Variants in LRRC37A2 observed in about 807,000 individuals in gnomAD.
LRRC37A2 encodes leucine rich repeat containing 37 member A2.
A neutral mutation model predicts 68.8 loss-of-function variants in LRRC37A2; 9 were observed. That is an observed-to-expected ratio of 0.13 (90% CI 0.08 to 0.23). The LOEUF (loss-of-function observed/expected upper bound fraction) is 0.23, where lower values mean the gene tolerates loss of function less well. LRRC37A2 is among the 10% of genes least tolerant of loss of function. LRRC37A2 has a pLI of 1.00. For synonymous variants in LRRC37A2, 63 were observed against 367.6 expected (o/e 0.17, Z 9.48); for missense variants, 168 against 950.4 (o/e 0.18, Z 10.82).
chr17:46,872,624 G>T, the LRRC37A2 span: 1 of 1,613,414 alleles, frequency 6.2e-7, no homozygotes, highest in Non-Finnish European at 8.5e-7. Context: ...AAGCTGTCCC[G>T]GCGGCAGAAG....
At chr17:46,755,366 G>A in the LRRC37A2 span, 1 of 1,612,642 alleles carries the variant, frequency 6.2e-7, no homozygotes, top group Non-Finnish European at 8.5e-7. Flanking sequence ...AGAGAAGAAG[G>A]AGCGTAAGTA....
At chr17:46,780,145 G>A in the LRRC37A2 span, among the ~76,000 whole-genome samples, 1 of 152,218 alleles carries the variant, frequency 6.6e-6, no homozygotes, top group South Asian at 2.1e-4. Flanking sequence ...CATATGGTGA[G>A]ACACCTAAAG....
At chr17:46,773,773 C>T in the LRRC37A2 span, 3 of 1,613,428 alleles carry the variant, frequency 1.9e-6, no homozygotes, top group Non-Finnish European at 2.5e-6. Flanking sequence ...CCCAGCTTCA[C>T]GCCCTCGGCC....
the LRRC37A2 span, among the ~76,000 whole-genome samples, chr17:46,889,095 T>C: frequency 6.6e-6 from 1 of 152,260 alleles, no homozygotes; most frequent in South Asian, 2.1e-4. Context: ...TTCTTCTGAC[T>C]CTGCAGAGCC....
chr17:46,784,614 G>A, the LRRC37A2 span, among the ~76,000 whole-genome samples: 1 of 152,078 alleles, frequency 6.6e-6, no homozygotes, highest in Non-Finnish European at 1.5e-5. Flanking sequence ...GGGCTCTCCC[G>A]AAACCTCAGC....
the LRRC37A2 span, among the ~76,000 whole-genome samples, chr17:46,791,349 G>A: frequency 1.3e-5 from 2 of 152,024 alleles, no homozygotes; most frequent in Non-Finnish European, 2.9e-5. Flanking sequence ...GATTACAGAC[G>A]AGGACCACCA....
At chr17:46,875,249 G>A in the LRRC37A2 span, 6 of 1,614,212 alleles carry the variant, frequency 3.7e-6, no homozygotes, top group Middle Eastern at 1.6e-4. Flanking sequence ...AGTGGGGCGT[G>A]TGCGGTGACA....
At chr17:46,743,225 C>G in the LRRC37A2 span, among the ~76,000 whole-genome samples, 3 of 152,158 alleles carry the variant, frequency 2.0e-5, no homozygotes, top group Admixed American at 6.5e-5. Flanking sequence ...GCTGCCAGTG[C>G]CCTGTGTTTG....
chr17:46,685,792 TG>T, the LRRC37A2 span, among the ~76,000 whole-genome samples: 3 of 149,404 alleles, frequency 2.0e-5, no homozygotes, highest in Non-Finnish European at 4.5e-5. Flanking sequence ...GTTATTGTAC[TG>T]ACTAGGTGGG....
At chr17:47,008,552 G>A in the LRRC37A2 span, among the ~76,000 whole-genome samples, 1 of 151,152 alleles carries the variant, frequency 6.6e-6, no homozygotes, top group Non-Finnish European at 1.5e-5. Context: ...TCCACCTCCC[G>A]GGTTCAAGCA....
At chr17:46,955,115 C>T in the LRRC37A2 span, among the ~76,000 whole-genome samples, 1 of 152,014 alleles carries the variant, frequency 6.6e-6, no homozygotes, top group Non-Finnish European at 1.5e-5. Context: ...GGAATGCTTC[C>T]AGTTTTTGTC....
the LRRC37A2 span, chr17:46,936,706 G>T: frequency 1.0e-6 from 1 of 984,952 alleles, no homozygotes; most frequent in African/African-American, 1.7e-5. Flanking sequence ...GCCTCATACA[G>T]TGATGAAATA....
chr17:46,845,798 T>G, the LRRC37A2 span, among the ~76,000 whole-genome samples: 1 of 146,924 alleles, frequency 6.8e-6, no homozygotes, highest in East Asian at 2.0e-4. Context: ...TTTTTTTTTT[T>G]TTTTTTTTTT....
the LRRC37A2 span, among the ~76,000 whole-genome samples, chr17:46,671,737 TTG>T: frequency 1.1e-5 from 1 of 91,770 alleles, no homozygotes; most frequent in Admixed American, 1.2e-4. Context: ...TGGTAATAAT[TTG>T]TGAATTGTTT....
At chr17:46,960,745 C>T in the LRRC37A2 span, among the ~76,000 whole-genome samples, 1 of 152,014 alleles carries the variant, frequency 6.6e-6, no homozygotes, top group Non-Finnish European at 1.5e-5. Flanking sequence ...GTGTGAGAAG[C>T]CAGATGGAAA....
At chr17:47,012,160 T>A in the LRRC37A2 span, among the ~76,000 whole-genome samples, 1 of 152,236 alleles carries the variant, frequency 6.6e-6, no homozygotes, top group Non-Finnish European at 1.5e-5. Context: ...TCAGTCAACC[T>A]TTTATTGTCA....
At chr17:46,766,343 G>T in the LRRC37A2 span, among the ~76,000 whole-genome samples, 1 of 152,000 alleles carries the variant, frequency 6.6e-6, no homozygotes, top group Admixed American at 6.6e-5. Context: ...AGGTGGCGGA[G>T]GTTACAGTGA....
chr17:46,908,328 C>T, the LRRC37A2 span, among the ~76,000 whole-genome samples: 1 of 152,176 alleles, frequency 6.6e-6, no homozygotes, highest in East Asian at 1.9e-4. Context: ...GAGGGGTCCT[C>T]TCACCCTATG....
chr17:46,810,612 C>G, the LRRC37A2 span, among the ~76,000 whole-genome samples: 1 of 152,168 alleles, frequency 6.6e-6, no homozygotes. Context: ...GGAGACTCAT[C>G]CACTGTCTCA....
Sources: gnomAD v4.1 joint callset for allele counts (sites outside exome capture counted in the v4.1 genomes callset) on GRCh38, gnomAD v4.1.1 for gene constraint, MANE v1.5 for transcripts, NCBI Gene and HGNC (gene_info 2026-07-23, HGNC 2026-07-21) for gene names.